Variants in PIGR observed in about 807,000 individuals in gnomAD.
The protein encoded by PIGR is polymeric immunoglobulin receptor, also known as hepatocellular carcinoma associated protein TB6.
A neutral mutation model predicts 69.5 loss-of-function variants in PIGR; 22 were observed. That is an observed-to-expected ratio of 0.32 (90% CI 0.23 to 0.45). The LOEUF (loss-of-function observed/expected upper bound fraction) is 0.45. Among genes scored for constraint, PIGR ranks in the 20% least tolerant of loss-of-function variants. The pLI is 1.00. For synonymous variants in PIGR, 413 were observed against 407.6 expected (o/e 1.01, Z -0.16); for missense variants, 885 against 974.0 (o/e 0.91, Z 1.22).
chr1:206,939,016 CG>C, intron 3 of PIGR, 102 bp downstream of exon 3: 2 of 1,044,418 alleles, frequency 1.9e-6, no homozygotes, highest in South Asian at 3.1e-5. Flanking sequence ...ACCCCCAACC[CG>C]GCTACACATC....
chr1:206,935,341 A>C lies in PIGR; in HGVS notation c.1378+145T>G. On this transcript the variant is annotated intron_variant, in intron 5 of 10. Coordinates refer to ENST00000356495, the MANE Select transcript of PIGR (RefSeq NM_002644.4). This position sits in a 1 kb window ranked among gnomAD's most constrained non-coding sequence, Gnocchi z 4.4. Reference sequence around the variant, plus strand: ...GTGTAAGGTGCGTGTTATAGGCATGAAAATGTGACCTCTGGATAGGTGGGC... The same window carrying C: ...GTGTAAGGTGCGTGTTATAGGCATGCAAATGTGACCTCTGGATAGGTGGGC... 1.5e-6 allele frequency: 1 copy of C among 672,834 alleles called. No individual in the cohort carries two copies. The allele number at this position is 672,834 out of a possible 1,614,324, so 41.7% of individuals were successfully genotyped here.
At chr1:206,943,660 G>T (rs1024063012) in intron 1 of PIGR, among the ~76,000 whole-genome samples, 1 of 152,182 alleles carries the variant, frequency 6.6e-6, no homozygotes, top group Non-Finnish European at 1.5e-5. Context: ...CCAAACCTTT[G>T]TCCATCTAAT....
In PIGR at chr1:206,935,574, C is replaced by A; in HGVS notation, c.1290G>T (p.Gln430His). 2 of 1,614,212 alleles carry A rather than the reference C, an allele frequency of 1.2e-6. No individual in the cohort carries two copies. Among genetic ancestry groups the A allele is most frequent in the Non-Finnish European group, 1.7e-6 (2 of 1,180,036 alleles). ...AGAAGCCGGCGTCCCGGCTGGTGAGCTGGTTGAGGATGACAGTGAAGGTGC... is the reference window on the plus strand; with the variant it reads ...AGAAGCCGGCGTCCCGGCTGGTGAGATGGTTGAGGATGACAGTGAAGGTGC... ...GNGTFTVILN[Q>H]LTSRDAGFYW... The change falls in exon 5 of 11, where the codon CAG becomes CAT. Residue 430 changes from glutamine to histidine, a missense_variant. By Grantham distance (24) the Gln-to-His change is conservative (BLOSUM62 0). Coordinates refer to ENST00000356495, the MANE Select transcript of PIGR (RefSeq NM_002644.4). This position sits in a 1 kb window ranked among gnomAD's most constrained non-coding sequence, Gnocchi z 4.4.
chr1:206,938,639 T>C (rs1376829408), intron 3 of PIGR, among the ~76,000 whole-genome samples: 2 of 152,080 alleles, frequency 1.3e-5, no homozygotes, highest in African/African-American at 4.8e-5. Flanking sequence ...AATAATCTAA[T>C]TTACCCTGAT....
At chr1:206,942,595 G>C (rs1316090419) in intron 1 of PIGR, among the ~76,000 whole-genome samples, 6 of 152,234 alleles carry the variant, frequency 3.9e-5, no homozygotes, top group Admixed American at 6.5e-5. Context: ...ATTTGCGTGA[G>C]ACAGGAGTGG....
In PIGR at chr1:206,935,283, G is replaced by C. The variant is rs1350735751; in HGVS notation, c.1378+203C>G. On this transcript the variant is annotated intron_variant, in intron 5 of 10. Transcript: ENST00000356495. This position sits in a 1 kb window ranked among gnomAD's most constrained non-coding sequence, Gnocchi z 4.4. Reference sequence around the variant, plus strand: ...CACTGCGAAAGAAGCCCATGTTCTTGGTAGTAGGAGGTACCATGTATGGTA... The same window carrying C: ...CACTGCGAAAGAAGCCCATGTTCTTCGTAGTAGGAGGTACCATGTATGGTA... Among the ~76,000 whole-genome samples, 2 of 152,176 alleles carry C rather than the reference G, an allele frequency of 1.3e-5. No individual in the cohort carries two copies. Among genetic ancestry groups the C allele is most frequent in the Non-Finnish European group, 2.9e-5 (2 of 68,028 alleles).
intron 10 of PIGR, chr1:206,931,006 T>G: frequency 1.0e-6 from 1 of 984,990 alleles, no homozygotes; most frequent in Non-Finnish European, 1.2e-6. Context: ...AAGGCAGGAG[T>G]TGCCTCTGGT....
Position 206,933,090 on chromosome 1 carries a change from A to AT in PIGR, c.1781_1782insA (p.Glu595Ter), listed in dbSNP as rs1679791793. On this transcript the variant is annotated frameshift_variant, in exon 7 of 11. Coordinates refer to ENST00000356495, the MANE Select transcript of PIGR (RefSeq NM_002644.4). LOFTEE classifies it high-confidence loss of function. ...TGGGATCCTGAATGGCTTTGTTCTC[A>AT]ATCTCCCGAAAACCAGAGTCTAGCA... 2 of 1,613,940 alleles carry AT rather than the reference A, an allele frequency of 1.2e-6. No homozygotes were observed. Among genetic ancestry groups the AT allele is most frequent in the Non-Finnish European group, 1.7e-6 (2 of 1,179,998 alleles).
chr1:206,937,482 AG>A lies in PIGR; in HGVS notation c.657del (p.Cys220AlafsTer19), dbSNP rs1310476624. ...CTATTGGAATCATCCCCAGCCTGGCAGAGATACTGCCCAGCATCGCTGAGCC... is the reference window on the plus strand; with the variant it reads ...CTATTGGAATCATCCCCAGCCTGGCAAGATACTGCCCAGCATCGCTGAGCC... ...QLRLSDAGQYLCQAGDDSNSN... is the reference protein window; with the variant it reads ...QLRLSDAGQYXCQAGDDSNSN... On this transcript the variant is annotated frameshift_variant, in exon 4 of 11. Transcript: ENST00000356495. LOFTEE classifies it high-confidence loss of function. 6.2e-7 allele frequency: 1 copy of A among 1,614,216 alleles called. No homozygotes were observed. Among genetic ancestry groups the A allele is most frequent in the Admixed American group, 1.7e-5 (1 of 60,022 alleles).
intron 1 of PIGR, among the ~76,000 whole-genome samples, chr1:206,945,678 C>T (rs1294365587): frequency 1.3e-5 from 2 of 152,106 alleles, no homozygotes; most frequent in Admixed American, 6.5e-5. Context: ...TTCTTGGAAG[C>T]CCAGAAAAAA....
intron 1 of PIGR, among the ~76,000 whole-genome samples, chr1:206,941,068 A>C (rs951190093): frequency 6.6e-6 from 1 of 152,240 alleles, no homozygotes; most frequent in African/African-American, 2.4e-5. Flanking sequence ...TTAAGGCTGT[A>C]AATGTAATGA....
At chr1:206,936,448 A>AG (rs1297419632) in intron 4 of PIGR, among the ~76,000 whole-genome samples, 10 of 152,122 alleles carry the variant, frequency 6.6e-5, no homozygotes, top group African/African-American at 2.4e-4. Context: ...TAAAAAAAAA[A>AG]AGTCACAAGC....
Position 206,930,385 on chromosome 1 carries a change from T to C in PIGR, c.2228A>G (p.Tyr743Cys). ...RSSKEEAEMAYKDFLLQSSTV... is the reference protein window; with the variant it reads ...RSSKEEAEMACKDFLLQSSTV... Reference sequence around the variant, plus strand: ...GCTGGACTGGAGCAGGAAGTCTTTGTAGGCCATCTCGGCTTCCTCCTTGGA... The same window carrying C: ...GCTGGACTGGAGCAGGAAGTCTTTGCAGGCCATCTCGGCTTCCTCCTTGGA... The change falls in exon 11 of 11, where the codon TAC (tyrosine) becomes TGC (cysteine). Residue 743 changes from tyrosine to cysteine, a missense_variant. Coordinates refer to ENST00000356495, the MANE Select transcript of PIGR (RefSeq NM_002644.4). The surrounding 1 kb of genome is among the most constrained non-coding windows in gnomAD (Gnocchi z 4.3). The C allele has an allele frequency of 6.2e-7, 1 of 1,613,192 alleles. No individual in the cohort carries two copies. The highest frequency in any genetic ancestry group is 8.5e-7 in the Non-Finnish European group (1 of 1,179,562).
Position 206,935,361 on chromosome 1 carries a change from G to C in PIGR, c.1378+125C>G. On this transcript the variant is annotated intron_variant, in intron 5 of 10. Coordinates refer to ENST00000356495, the MANE Select transcript of PIGR (RefSeq NM_002644.4). The surrounding 1 kb of genome is among the most constrained non-coding windows in gnomAD (Gnocchi z 4.4). ...GCATGAAAATGTGACCTCTGGATAG[G>C]TGGGCTCCCTCCTGAGGTCTGGCCC... The C allele has an allele frequency of 1.3e-6, 1 of 750,402 alleles. No individual in the cohort carries two copies. The allele number at this position is 750,402 out of a possible 1,614,324, so 46.5% of individuals were successfully genotyped here.
chr1:206,934,349 C>G, intron 6 of PIGR, 71 bp downstream of exon 6: 1 of 1,362,266 alleles, frequency 7.3e-7, no homozygotes, highest in East Asian at 2.3e-5. Flanking sequence ...TTGAGAAGCT[C>G]TCAGGCAGGG....
rs201367607 is a variant in PIGR, at chr1:206,939,454, G to A, written c.53C>T (p.Thr18Met). 1.4e-5 allele frequency: 23 copies of A among 1,596,202 alleles called. No homozygotes were observed. Among genetic ancestry groups the A allele is most frequent in the Middle Eastern group, 1.7e-4 (1 of 6,008 alleles). The change falls in exon 3 of 11, where the codon ACG becomes ATG. Residue 18 changes from threonine to methionine, a missense_variant. Transcript: ENST00000356495. ...CTCGGGACCAAATATGGGACTCTTC[G>A]TGGAGATGGCTGTGGGAACAGAAGA... The part of the protein sequence containing the change: ...CLLAVFPAIS[T>M]KSPIFGPEEV...
chr1:206,939,835 T>G (rs1003213460), intron 2 of PIGR, among the ~76,000 whole-genome samples: 2 of 152,218 alleles, frequency 1.3e-5, no homozygotes, highest in Admixed American at 1.3e-4. Flanking sequence ...CAAGCGATTC[T>G]CATGCCTCAG....
chr1:206,931,397 G>T (rs1443186454), intron 10 of PIGR, 100 bp downstream of exon 10: 1 of 1,610,200 alleles, frequency 6.2e-7, no homozygotes, highest in Non-Finnish European at 8.5e-7. Flanking sequence ...CCTATTCTGG[G>T]ATCGGCCCCC....
Position 206,934,623 on chromosome 1 carries a change from G to A in PIGR, c.1502C>T (p.Thr501Met), listed in dbSNP as rs750944757. 34 of 1,614,034 alleles carry A rather than the reference G, an allele frequency of 2.1e-5. No homozygotes were observed. Among genetic ancestry groups the A allele is most frequent in the Middle Eastern group, 1.6e-4 (1 of 6,084 alleles). Residue 501 changes from threonine (T) to methionine (M), a missense_variant, in exon 6 of 11, where the codon ACG becomes ATG. By Grantham distance (81) the Thr-to-Met change is moderately conservative. Coordinates refer to ENST00000356495, the MANE Select transcript of PIGR (RefSeq NM_002644.4). Reference sequence around the variant, plus strand: ...TTGGCTGGGCAGGGCCTGGCAGCCCGTGTTATTCCACTTGCACCAGTATTT... The same window carrying A: ...TTGGCTGGGCAGGGCCTGGCAGCCCATGTTATTCCACTTGCACCAGTATTT... ...YEKYWCKWNN[T>M]GCQALPSQDE...
Sources: allele counts gnomAD v4.1 joint callset (sites outside exome capture counted in the v4.1 genomes callset), GRCh38; gene constraint gnomAD v4.1.1; non-coding constraint Gnocchi (gnomAD v3.1); transcripts MANE v1.5; gene names NCBI Gene and HGNC (gene_info 2026-07-23, HGNC 2026-07-21).